The following HACE1 variants were observed in gnomAD, a reference collection of about 807,000 sequenced individuals.
HACE1 encodes HECT domain and ankyrin repeat containing E3 ubiquitin protein ligase 1.
A neutral mutation model predicts 118.4 loss-of-function variants in HACE1; 73 were observed. That is an observed-to-expected ratio of 0.62 (90% confidence interval 0.51 to 0.75). The LOEUF (loss-of-function observed/expected upper bound fraction) is 0.75. Ranked by LOEUF, HACE1 falls within the 30% of genes least tolerant of loss-of-function variation. The pLI, the probability that HACE1 is intolerant of heterozygous loss-of-function variation, is 0.00. For synonymous variants in HACE1, 368 were observed against 374.8 expected (o/e 0.98, Z 0.21); for missense variants, 749 against 1,102.2 (o/e 0.68, Z 4.54).
chr6:104,845,587 C>G (rs1775585421), intron 4 of HACE1, among the ~76,000 whole-genome samples: 1 of 151,028 alleles, frequency 6.6e-6, no homozygotes, highest in South Asian at 2.1e-4. Flanking sequence ...ACGCCATTCT[C>G]CTGCCTCAGC....
intron 22 of HACE1, among the ~76,000 whole-genome samples, chr6:104,740,309 A>G (rs1776500082): frequency 1.3e-5 from 2 of 149,734 alleles, no homozygotes; most frequent in African/African-American, 5.0e-5. Context: ...GCAAGAAATA[A>G]CTAAAATCAG....
At chr6:104,859,489 A>C in intron 1 of HACE1, 78 bp downstream of exon 1, 1 of 1,082,938 alleles carries the variant, frequency 9.2e-7, no homozygotes, top group Non-Finnish European at 1.3e-6. Context: ...TTTCCACCCG[A>C]CCTTGACGCG....
At chr6:104,744,017 T>G (rs1397107568) in intron 22 of HACE1, 143 bp downstream of exon 22, 3 of 633,202 alleles carry the variant, frequency 4.7e-6, no homozygotes, top group Non-Finnish European at 8.4e-6. Context: ...CCAAAATAAA[T>G]CTTTCTTTAA....
rs200973354 is a variant in HACE1 at position 104,849,237 on chromosome 6, C to A, written c.231G>T (p.Ser77=). The change falls in exon 4 of 24, where the codon TCG becomes TCT. Residue 77 remains serine, a synonymous_variant. Coordinates refer to ENST00000262903, the MANE Select transcript of HACE1 (RefSeq NM_020771.4). The part of the protein sequence containing the change: ...SLLHIAANCG[S]VECLVLLLKK... ...TTAACAGCAAAACCAAGCATTCCAC[C>A]GATCCACAACTAAAACAATATTAAA... 8.7e-4 allele frequency: 1,380 copies of A among 1,579,590 alleles called. 13 individuals are homozygous for A. The South Asian group carries it at 0.015, about 17-fold the overall frequency.
chr6:104,828,665 C>T (rs1050877552), intron 6 of HACE1, among the ~76,000 whole-genome samples: 6 of 152,024 alleles, frequency 3.9e-5, no homozygotes, highest in Non-Finnish European at 8.8e-5. Flanking sequence ...GTGCACTCTT[C>T]AACTGCCCAA....
intron 6 of HACE1, among the ~76,000 whole-genome samples, chr6:104,824,622 A>C (rs1335256762): frequency 6.6e-6 from 1 of 152,222 alleles, no homozygotes; most frequent in Non-Finnish European, 1.5e-5. Context: ...AATTCAAGAG[A>C]ATAAATTCTG....
At chr6:104,802,284 C>A (rs1165935425) in intron 7 of HACE1, among the ~76,000 whole-genome samples, 1 of 152,124 alleles carries the variant, frequency 6.6e-6, no homozygotes, top group African/African-American at 2.4e-5. Context: ...TTAAACACCC[C>A]ACTGTCAATA....
Position 104,795,685 on chromosome 6 carries a change from A to G in HACE1, c.817T>C (p.Leu273=). ...TQNEDLRENM[L]RQVLEHLSQQ... is the part of the protein sequence containing the mutation. ...GACAAATGCTCCAGAACTTGCCGTA[A>G]CTAAATTTTTTACAAATAAAAAAAT... is the stretch of plus-strand genomic sequence containing the variant. The change falls in exon 10 of 24, where the codon TTA becomes CTA. Residue 273 remains leucine (L), a splice_region_variant and synonymous_variant. Transcript: ENST00000262903. The G allele has an allele frequency of 6.3e-7, 1 of 1,591,846 alleles. No individual in the cohort carries two copies. The highest frequency in any genetic ancestry group is 2.2e-5 in the East Asian group (1 of 44,706).
chr6:104,830,494 A>G (rs79080215), intron 6 of HACE1, among the ~76,000 whole-genome samples: 68 of 152,262 alleles, frequency 4.5e-4, no homozygotes, highest in African/African-American at 1.5e-3. Flanking sequence ...ACATAAGACA[A>G]TGTCACCTTT....
rs1327657417 is a variant in HACE1 at position 104,777,126 on chromosome 6, T to C, written c.1679-16A>G. 8.3e-6 allele frequency: 13 copies of C among 1,575,170 alleles called. No homozygotes were observed. Among genetic ancestry groups the C allele is most frequent in the Non-Finnish European group, 8.7e-6 (10 of 1,145,062 alleles). On this transcript the variant is annotated splice_polypyrimidine_tract_variant and intron_variant, in intron 15 of 23. Coordinates refer to ENST00000262903, the MANE Select transcript of HACE1 (RefSeq NM_020771.4). The stretch of plus-strand genomic sequence containing the variant: ...AAAATAGAATCTAAATATGTAGCAT[T>C]GGTTAATTTTACATATTAAAATTTA...
chr6:104,757,996 A>G (rs1431715400), intron 19 of HACE1, among the ~76,000 whole-genome samples: 1 of 152,156 alleles, frequency 6.6e-6, no homozygotes, highest in Non-Finnish European at 1.5e-5. Context: ...AAGATTAGAG[A>G]AAAAAAGAAT....
chr6:104,810,642 G>A (rs1287760727), intron 7 of HACE1, among the ~76,000 whole-genome samples: 1 of 151,910 alleles, frequency 6.6e-6, no homozygotes, highest in Non-Finnish European at 1.5e-5. Context: ...TAGCTCCTTA[G>A]GGAATAGAGT....
chr6:104,831,897 A>G (rs1449038922), intron 6 of HACE1, among the ~76,000 whole-genome samples: 3 of 149,984 alleles, frequency 2.0e-5, no homozygotes, highest in African/African-American at 7.5e-5. Flanking sequence ...CATCAAAAAA[A>G]AGAGAGAGAA....
At chr6:104,753,284 G>C (rs1229057068) in intron 19 of HACE1, among the ~76,000 whole-genome samples, 2 of 152,120 alleles carry the variant, frequency 1.3e-5, no homozygotes, top group Admixed American at 1.3e-4. Context: ...CCATGTCTGG[G>C]GTTCAGTCAA....
chr6:104,752,705 CAATT>C (rs1378137015), intron 19 of HACE1, among the ~76,000 whole-genome samples: 1 of 151,788 alleles, frequency 6.6e-6, no homozygotes, highest in Non-Finnish European at 1.5e-5. Context: ...TATTTTTTAC[CAATT>C]AATTCCTATT....
intron 19 of HACE1, among the ~76,000 whole-genome samples, chr6:104,752,207 A>G (rs904123260): frequency 3.9e-5 from 6 of 152,102 alleles, no homozygotes; most frequent in African/African-American, 1.2e-4. Flanking sequence ...GTTTTTCTCT[A>G]CTATATAGGA....
chr6:104,799,848 G>A (rs1770105911), intron 7 of HACE1, among the ~76,000 whole-genome samples: 1 of 152,112 alleles, frequency 6.6e-6, no homozygotes, highest in African/African-American at 2.4e-5. Flanking sequence ...ATTTCCAAAT[G>A]AGGTACCTGG....
intron 12 of HACE1, 22 bp downstream of exon 12, chr6:104,784,963 T>A (rs1475733106): frequency 7.3e-6 from 11 of 1,515,802 alleles, no homozygotes; most frequent in South Asian, 4.6e-5. Context: ...AAAAAAAAAA[T>A]AATAAGCCAA....
At chr6:104,857,450 T>C (rs1156366045) in intron 1 of HACE1, among the ~76,000 whole-genome samples, 1 of 151,686 alleles carries the variant, frequency 6.6e-6, no homozygotes, top group African/African-American at 2.4e-5. Context: ...AGGAGTAAGT[T>C]GAGAAACTGA....
Sources: gnomAD v4.1 joint callset for allele counts (sites outside exome capture counted in the v4.1 genomes callset) on GRCh38, gnomAD v4.1.1 for gene constraint, MANE v1.5 for transcripts, NCBI Gene and HGNC (gene_info 2026-07-23, HGNC 2026-07-21) for gene names.